Variants in GPC5 observed in about 807,000 individuals in gnomAD.
GPC5 encodes the protein glypican-5.
A neutral mutation model predicts 53.9 loss-of-function variants in GPC5; 47 were observed. That is an observed-to-expected ratio of 0.87 (90% CI 0.69 to 1.11). The LOEUF (loss-of-function observed/expected upper bound fraction) is 1.11. Ranked by LOEUF, GPC5 falls within the 50% of genes most tolerant of loss-of-function variation. GPC5 has a pLI of 0.00. For synonymous variants in GPC5, 286 were observed against 263.3 expected (o/e 1.09, Z -0.84); for missense variants, 748 against 713.1 (o/e 1.05, Z -0.56).
chr13:92,526,058 T>C (rs1231671185), intron 7 of GPC5, among the ~76,000 whole-genome samples: 2 of 152,110 alleles, frequency 1.3e-5, no homozygotes, highest in Admixed American at 1.3e-4. Context: ...AATGTTACTG[T>C]AGAACACAGA....
rs7984592 is a variant in GPC5 at position 92,196,356 on chromosome 13, A to G, written c.1561+51367A>G. ...ACTTCTTACACAGGAATATGAATAG[A>G]AATAAAGATTTCTATGTACAAAGGC... On this transcript the variant is annotated intron_variant, in intron 7 of 7. Coordinates refer to ENST00000377067, the MANE Select transcript of GPC5 (RefSeq NM_004466.6). Among the ~76,000 whole-genome samples the G allele has an allele frequency of 2.0e-3, 303 of 152,276 alleles. 2 individuals carry two copies. Among genetic ancestry groups the G allele is most frequent in the African/African-American group, 7.1e-3 (295 of 41,570 alleles).
intron 7 of GPC5, among the ~76,000 whole-genome samples, chr13:92,749,779 C>T (rs1158414650): frequency 2.6e-5 from 4 of 151,984 alleles, no homozygotes; most frequent in Non-Finnish European, 5.9e-5. Flanking sequence ...GTTCATAGAC[C>T]CGCTAATTTG....
chr13:92,691,773 T>A (rs904369305), intron 7 of GPC5, among the ~76,000 whole-genome samples: 6 of 147,200 alleles, frequency 4.1e-5, no homozygotes, highest in Non-Finnish European at 9.1e-5. Context: ...GTTTTAGGGT[T>A]TTTTTTTTTT....
intron 7 of GPC5, among the ~76,000 whole-genome samples, chr13:92,603,162 A>G (rs1468453544): frequency 6.6e-6 from 1 of 152,218 alleles, no homozygotes; most frequent in East Asian, 1.9e-4. Context: ...TATAGTATGG[A>G]TAAAGGTCTC....
chr13:91,672,624 C>T (rs143974069), intron 2 of GPC5, among the ~76,000 whole-genome samples: 11 of 152,304 alleles, frequency 7.2e-5, no homozygotes, highest in African/African-American at 1.9e-4. Context: ...AATGCTTTTA[C>T]ACTGTTGATG....
At chr13:91,736,903 AAAAAT>A (rs1314376328) in intron 4 of GPC5, among the ~76,000 whole-genome samples, 4 of 151,266 alleles carry the variant, frequency 2.6e-5, no homozygotes, top group Non-Finnish European at 5.9e-5. Flanking sequence ...AACAATAGGA[AAAAAT>A]AAAATAAAAT....
rs1881883102 is a variant in GPC5, at chr13:92,540,028, T to C, written c.1562-326254T>C. On this transcript the variant is annotated intron_variant, in intron 7 of 7. Transcript: ENST00000377067. ...AGAATGCACTTTTAAGGACCTTATA[T>C]CACTAGTTTTAGATTAACTGACTTT... Among the ~76,000 whole-genome samples the C allele has an allele frequency of 3.3e-5, 5 of 152,138 alleles. No homozygotes were observed. The South Asian group carries it at 1.0e-3, about 32-fold the overall frequency.
intron 6 of GPC5, among the ~76,000 whole-genome samples, chr13:92,133,590 T>G (rs1445290332): frequency 6.6e-6 from 1 of 152,202 alleles, no homozygotes; most frequent in Non-Finnish European, 1.5e-5. Flanking sequence ...GCCCTTACTT[T>G]GGCATTGTAT....
At chr13:91,781,095 TACAAGCTGAGGTGCTTGTGCACAAGTGC>T (rs1200729596) in intron 5 of GPC5, among the ~76,000 whole-genome samples, 1 of 152,220 alleles carries the variant, frequency 6.6e-6, no homozygotes, top group Admixed American at 6.5e-5. Flanking sequence ...TGCTGTGGCC[TACAAGCTGAGGTGCTTGTGCACAAGTGC>T]ACAAGCTTAA....
intron 7 of GPC5, chr13:92,448,030 C>T (rs1034341590): frequency 3.9e-5 from 6 of 151,998 alleles, no homozygotes; most frequent in Non-Finnish European, 7.4e-5. Context: ...CAGCAGCTAT[C>T]GAACAGCAAT....
At chr13:92,596,307 G>A (rs1237051633) in intron 7 of GPC5, among the ~76,000 whole-genome samples, 1 of 151,964 alleles carries the variant, frequency 6.6e-6, no homozygotes, top group African/African-American at 2.4e-5. Context: ...ACAAAATAAA[G>A]TGAGAAATAA....
chr13:92,783,234 C>T (rs1876096215), intron 7 of GPC5, among the ~76,000 whole-genome samples: 1 of 152,164 alleles, frequency 6.6e-6, no homozygotes, highest in African/African-American at 2.4e-5. Flanking sequence ...TCTCTCACCT[C>T]TTTCACTTTT....
At chr13:92,212,483 C>T (rs2042382451) in intron 7 of GPC5, among the ~76,000 whole-genome samples, 2 of 152,152 alleles carry the variant, frequency 1.3e-5, no homozygotes, top group South Asian at 2.1e-4. Context: ...TGGAACTCTT[C>T]CATTGCTTAA....
At chr13:91,904,090 T>C (rs2039526745) in intron 5 of GPC5, among the ~76,000 whole-genome samples, 1 of 151,808 alleles carries the variant, frequency 6.6e-6, no homozygotes, top group Non-Finnish European at 1.5e-5. Flanking sequence ...CATGCAACCA[T>C]TTGTTGAGGA....
chr13:92,659,894 T>C (rs577985159), intron 7 of GPC5, among the ~76,000 whole-genome samples: 26 of 152,130 alleles, frequency 1.7e-4, no homozygotes, highest in African/African-American at 5.3e-4. Context: ...AAAACCCCTG[T>C]GGCAAGGCAG....
At chr13:91,928,934 G>A (rs1347588909) in intron 6 of GPC5, among the ~76,000 whole-genome samples, 1 of 152,058 alleles carries the variant, frequency 6.6e-6, no homozygotes, top group Non-Finnish European at 1.5e-5. Context: ...CAGAGAAACG[G>A]CAATATTTCA....
At chr13:92,385,457 TATAC>T (rs1311920886) in intron 7 of GPC5, among the ~76,000 whole-genome samples, 68 of 130,678 alleles carry the variant, frequency 5.2e-4, no homozygotes, top group African/African-American at 1.9e-3. Context: ...TATATACATA[TATAC>T]ACATATATAC....
chr13:92,350,668 G>C (rs1191462335), intron 7 of GPC5, among the ~76,000 whole-genome samples: 1 of 152,106 alleles, frequency 6.6e-6, no homozygotes, highest in African/African-American at 2.4e-5. Flanking sequence ...AAATTGCTAA[G>C]AGTCAATTTC....
In GPC5 at chr13:92,089,063, C is replaced by A. The variant is rs1288648148; in HGVS notation, c.1402-55767C>A. On this transcript the variant is annotated intron_variant, in intron 6 of 7. Transcript: ENST00000377067. Reference sequence around the variant, plus strand: ...ACATTTATAGAGGAATGGAGAAGTACGAAATTAAAGTTCCTAAGAATCAAG... The same window carrying A: ...ACATTTATAGAGGAATGGAGAAGTAAGAAATTAAAGTTCCTAAGAATCAAG... Among the ~76,000 whole-genome samples, 4 of 152,020 alleles carry A rather than the reference C, an allele frequency of 2.6e-5. No homozygotes were observed. The East Asian group carries it at 5.8e-4, about 22-fold the overall frequency.
Sources: allele counts gnomAD v4.1 joint callset (sites outside exome capture counted in the v4.1 genomes callset), GRCh38; gene constraint gnomAD v4.1.1; transcripts MANE v1.5; gene names NCBI Gene and HGNC (gene_info 2026-07-23, HGNC 2026-07-21).